Variants in ZNF804B observed in about 807,000 individuals in gnomAD.
ZNF804B encodes the protein zinc finger 804B.
ZNF804B carries 80 observed loss-of-function variants against 101.4 expected under a neutral mutation model. That is an observed-to-expected ratio of 0.79 (90% CI 0.66 to 0.95). ZNF804B has a LOEUF of 0.95. Among genes scored for constraint, ZNF804B ranks in the 40% least tolerant of loss-of-function variants. ZNF804B has a pLI of 0.00. For synonymous variants in ZNF804B, 622 were observed against 558.8 expected, an observed-to-expected ratio of 1.11 and a Z score of -1.59; for missense variants, 1,673 against 1,561.9, an observed-to-expected ratio of 1.07 and a Z score of -1.20.
At chr7:89,276,426 A>T (rs923626240) in intron 2 of ZNF804B, among the ~76,000 whole-genome samples, 5 of 152,070 alleles carry the variant, frequency 3.3e-5, no homozygotes, top group African/African-American at 4.8e-5. Context: ...CAGAATAAAA[A>T]GTCTCAGAGA....
intron 1 of ZNF804B, among the ~76,000 whole-genome samples, chr7:88,787,561 G>A (rs1422430945): frequency 6.6e-6 from 1 of 152,150 alleles, no homozygotes; most frequent in Non-Finnish European, 1.5e-5. Context: ...TTCAAACTGT[G>A]AATTCTGTAA....
intron 1 of ZNF804B, among the ~76,000 whole-genome samples, chr7:89,164,007 T>C (rs1791106464): frequency 6.6e-6 from 1 of 152,060 alleles, no homozygotes; most frequent in South Asian, 2.1e-4. Context: ...TTTTGTTAGT[T>C]TGAAAGGATT....
intron 1 of ZNF804B, among the ~76,000 whole-genome samples, chr7:89,020,466 C>A (rs183441689): frequency 8.3e-4 from 127 of 152,166 alleles, no homozygotes; most frequent in African/African-American, 3.0e-3. Flanking sequence ...TGATTTGATG[C>A]TTTTCTCTTG....
At chr7:89,021,955 T>G (rs1584078539) in intron 1 of ZNF804B, among the ~76,000 whole-genome samples, 1 of 152,308 alleles carries the variant, frequency 6.6e-6, no homozygotes, top group East Asian at 1.9e-4. Context: ...GGCAGCTCTC[T>G]AAACTGGGCT....
intron 1 of ZNF804B, among the ~76,000 whole-genome samples, chr7:88,901,326 A>G (rs928403071): frequency 1.3e-5 from 2 of 151,896 alleles, no homozygotes; most frequent in African/African-American, 4.8e-5. Flanking sequence ...CCATATATTA[A>G]AAATTCATCT....
chr7:89,015,063 G>T (rs977503427), intron 1 of ZNF804B, among the ~76,000 whole-genome samples: 1 of 152,048 alleles, frequency 6.6e-6, no homozygotes, highest in African/African-American at 2.4e-5. Flanking sequence ...TCATTCTTCT[G>T]CATATAGATA....
intron 1 of ZNF804B, among the ~76,000 whole-genome samples, chr7:89,197,895 A>G (rs554677995): frequency 9.9e-5 from 15 of 151,966 alleles, no homozygotes; most frequent in Non-Finnish European, 1.6e-4. Flanking sequence ...TTATTCTTCA[A>G]TTGAGTAGCA....
chr7:88,797,987 C>A (rs932958732), intron 1 of ZNF804B, among the ~76,000 whole-genome samples: 3 of 152,014 alleles, frequency 2.0e-5, no homozygotes, highest in Non-Finnish European at 4.4e-5. Flanking sequence ...TTTCATAGTT[C>A]TGCTTGTTTT....
At chr7:89,137,401 T>A (rs1381177491) in intron 1 of ZNF804B, among the ~76,000 whole-genome samples, 1 of 152,044 alleles carries the variant, frequency 6.6e-6, no homozygotes, top group Non-Finnish European at 1.5e-5. Flanking sequence ...ATATGAACAA[T>A]AAGGTCCAGG....
chr7:89,060,111 A>G (rs1324680037), intron 1 of ZNF804B, among the ~76,000 whole-genome samples: 1 of 152,062 alleles, frequency 6.6e-6, no homozygotes, highest in African/African-American at 2.4e-5. Context: ...TGGGACTTGG[A>G]CTGAGCCATA....
At chr7:89,061,365 T>C (rs1044297108) in intron 1 of ZNF804B, among the ~76,000 whole-genome samples, 4 of 150,932 alleles carry the variant, frequency 2.7e-5, no homozygotes, top group Non-Finnish European at 5.9e-5. Flanking sequence ...ATATCTTTTG[T>C]GACTCTGGCC....
At chr7:88,834,634 A>G (rs1791182748) in intron 1 of ZNF804B, among the ~76,000 whole-genome samples, 1 of 148,040 alleles carries the variant, frequency 6.8e-6, no homozygotes, top group Non-Finnish European at 1.5e-5. Context: ...AAATTTATTG[A>G]ACTATACGCT....
intron 1 of ZNF804B, among the ~76,000 whole-genome samples, chr7:89,190,192 G>A (rs989228197): frequency 2.6e-5 from 4 of 151,712 alleles, no homozygotes; most frequent in Admixed American, 2.6e-4. Flanking sequence ...AAAATTAGCC[G>A]GGCATAGTGG....
At chr7:89,320,336 GAATA>G (rs1266884234) in intron 2 of ZNF804B, among the ~76,000 whole-genome samples, 1 of 151,706 alleles carries the variant, frequency 6.6e-6, no homozygotes, top group Non-Finnish European at 1.5e-5. Context: ...CTATAAAAAA[GAATA>G]AATAAAAATG....
rs535737068 is a variant in ZNF804B at position 89,092,051 on chromosome 7, A to G, written c.109-126104A>G. ...CTGTAGATTAAGTGCCATATAAACA[A>G]CAAACATTTATTTCCCATTGTTCTG... On this transcript the variant is annotated intron_variant, in intron 1 of 3. Coordinates refer to ENST00000333190, the MANE Select transcript of ZNF804B (RefSeq NM_181646.5). Among the ~76,000 whole-genome samples the G allele has an allele frequency of 5.3e-5, 8 of 152,312 alleles. No individual in the cohort carries two copies. The South Asian group carries it at 1.5e-3, about 28-fold the overall frequency.
intron 2 of ZNF804B, among the ~76,000 whole-genome samples, chr7:89,291,166 A>G (rs898507993): frequency 6.6e-6 from 1 of 152,188 alleles, no homozygotes; most frequent in African/African-American, 2.4e-5. Flanking sequence ...AAGGGCAGGT[A>G]TGAAGAAGTC....
intron 1 of ZNF804B, among the ~76,000 whole-genome samples, chr7:89,136,496 T>C (rs1333337928): frequency 1.3e-5 from 2 of 152,150 alleles, no homozygotes; most frequent in Non-Finnish European, 2.9e-5. Flanking sequence ...ACTGAAACTC[T>C]GGATTCATAA....
At position 89,025,568 on chromosome 7, in the gene ZNF804B, C is replaced by T. The variant is rs549790076; in HGVS notation, c.109-192587C>T. On this transcript the variant is annotated intron_variant, in intron 1 of 3. Coordinates refer to ENST00000333190, the MANE Select transcript of ZNF804B (RefSeq NM_181646.5). The stretch of plus-strand genomic sequence containing the variant: ...AAAAACTTGTTTTTTAAAAAACAAA[C>T]TTATTATATGTTATCTGACATTGCC... 2.0e-5 allele frequency among the ~76,000 whole-genome samples: 3 copies of T among 152,176 alleles called. No homozygotes were observed. The South Asian group carries it at 6.2e-4, about 32-fold the overall frequency.
chr7:88,909,040 G>C (rs938592856), intron 1 of ZNF804B, among the ~76,000 whole-genome samples: 1 of 151,694 alleles, frequency 6.6e-6, no homozygotes, highest in African/African-American at 2.4e-5. Context: ...ACTGAAGATA[G>C]ATGGAAAAAA....
Sources: allele counts gnomAD v4.1 joint callset (sites outside exome capture counted in the v4.1 genomes callset), GRCh38; gene constraint gnomAD v4.1.1; transcripts MANE v1.5; gene names NCBI Gene and HGNC (gene_info 2026-07-23, HGNC 2026-07-21).